Variants in FBXW10B observed in about 807,000 individuals in gnomAD.
The protein encoded by FBXW10B is F-box and WD repeat domain containing protein 10B.
At chr17:15,591,210 A>T in the FBXW10B span, among the ~76,000 whole-genome samples, 1 of 152,250 alleles carries the variant, frequency 6.6e-6, no homozygotes, top group South Asian at 2.1e-4. Flanking sequence ...GTCCTCACTT[A>T]GGAGTGCACA....
the FBXW10B span, among the ~76,000 whole-genome samples, chr17:15,617,493 C>G: frequency 2.0e-5 from 3 of 152,214 alleles, no homozygotes; most frequent in Admixed American, 2.0e-4. Flanking sequence ...GATATTTGTC[C>G]CCTCCAAATC....
At chr17:15,568,067 C>T in the FBXW10B span, among the ~76,000 whole-genome samples, 7 of 152,118 alleles carry the variant, frequency 4.6e-5, 1 homozygote, top group South Asian at 8.3e-4. Flanking sequence ...CTATCATCAT[C>T]GGAACACTTT....
chr17:15,593,551 T>C, the FBXW10B span: 1 of 1,598,044 alleles, frequency 6.3e-7, no homozygotes, highest in Non-Finnish European at 8.5e-7. Context: ...TGCCTGGGTT[T>C]GTTTGTAGGT....
chr17:15,585,166 T>C, the FBXW10B span, among the ~76,000 whole-genome samples: 2 of 151,976 alleles, frequency 1.3e-5, no homozygotes, highest in African/African-American at 4.8e-5. Flanking sequence ...TTTAGCCATC[T>C]AAAGTTTCCT....
At chr17:15,615,317 C>CTTTATTTT in the FBXW10B span, among the ~76,000 whole-genome samples, 1 of 102,384 alleles carries the variant, frequency 9.8e-6, no homozygotes, top group African/African-American at 5.1e-5. Context: ...TGCATATTGG[C>CTTTATTTT]TTTCTTTTTT....
chr17:15,598,607 G>A, the FBXW10B span: 82 of 1,613,044 alleles, frequency 5.1e-5, no homozygotes, highest in Non-Finnish European at 6.6e-5. Context: ...GTCCCCTGGT[G>A]ACCACCGAAG....
At chr17:15,578,138 A>C in the FBXW10B span, among the ~76,000 whole-genome samples, 1 of 152,116 alleles carries the variant, frequency 6.6e-6, no homozygotes, top group African/African-American at 2.4e-5. Flanking sequence ...AGTTAATTAG[A>C]CACGTTCACA....
At chr17:15,594,488 T>A in the FBXW10B span, 865 of 371,186 alleles carry the variant, frequency 2.3e-3, 8 homozygotes, top group African/African-American at 0.02. Context: ...AAAAAAAAAA[T>A]TCAATATCTT....
At chr17:15,578,801 A>T in the FBXW10B span, among the ~76,000 whole-genome samples, 1 of 152,190 alleles carries the variant, frequency 6.6e-6, no homozygotes, top group African/African-American at 2.4e-5. Flanking sequence ...TTGGTGTAGC[A>T]TAATTCAGGG....
At chr17:15,601,408 C>CA in the FBXW10B span, among the ~76,000 whole-genome samples, 3,229 of 65,742 alleles carry the variant, frequency 0.049, 163 homozygotes, top group African/African-American at 0.13. Context: ...GACTCCGTCT[C>CA]AAAAAAAAAA....
chr17:15,609,724 C>G, the FBXW10B span, among the ~76,000 whole-genome samples: 1 of 152,062 alleles, frequency 6.6e-6, no homozygotes, highest in Non-Finnish European at 1.5e-5. Context: ...ACTCACCACC[C>G]TGAGAAGCAC....
At chr17:15,566,245 A>C in the FBXW10B span, 1 of 1,611,050 alleles carries the variant, frequency 6.2e-7, no homozygotes, top group Non-Finnish European at 8.5e-7. Context: ...AACAGTCAGG[A>C]GGAATTGGTC....
the FBXW10B span, among the ~76,000 whole-genome samples, chr17:15,618,321 A>G: frequency 9.2e-5 from 14 of 151,940 alleles, no homozygotes; most frequent in Non-Finnish European, 1.5e-5. Flanking sequence ...GCGAGACTCC[A>G]TCTCAAAAAA....
chr17:15,565,518 T>C, the FBXW10B span: 1 of 1,611,882 alleles, frequency 6.2e-7, no homozygotes, highest in East Asian at 2.2e-5. Flanking sequence ...AACACTGTAA[T>C]TTCCCAAGGC....
chr17:15,601,681 A>G, the FBXW10B span, among the ~76,000 whole-genome samples: 1 of 152,234 alleles, frequency 6.6e-6, no homozygotes, highest in South Asian at 2.1e-4. Context: ...AAGAACACAG[A>G]TGATCTAATT....
chr17:15,606,166 C>T, the FBXW10B span, among the ~76,000 whole-genome samples: 2 of 141,546 alleles, frequency 1.4e-5, no homozygotes, highest in Non-Finnish European at 3.0e-5. Context: ...TGGCCTCAAA[C>T]GATCTTCCTA....
the FBXW10B span, chr17:15,593,388 T>A: frequency 6.2e-7 from 1 of 1,614,056 alleles, no homozygotes; most frequent in African/African-American, 1.3e-5. Context: ...GCCATTGGCT[T>A]TTATCACCTT....
the FBXW10B span, among the ~76,000 whole-genome samples, chr17:15,590,949 C>G: frequency 5.3e-5 from 8 of 152,140 alleles, no homozygotes; most frequent in Non-Finnish European, 1.0e-4. Flanking sequence ...AAGACCCAGA[C>G]AGGGCCAGAG....
the FBXW10B span, chr17:15,593,417 G>A: frequency 6.2e-7 from 1 of 1,614,134 alleles, no homozygotes; most frequent in Non-Finnish European, 8.5e-7. Context: ...TCCCATTGAA[G>A]AAATTGTAAA....
Sources: allele counts gnomAD v4.1 joint callset (sites outside exome capture counted in the v4.1 genomes callset), GRCh38; gene constraint gnomAD v4.1.1; transcripts MANE v1.5; gene names NCBI Gene and HGNC (gene_info 2026-07-23, HGNC 2026-07-21).